Variants in ACO2 observed in about 807,000 individuals in gnomAD.
The protein encoded by ACO2 is aconitase 2, also known as aconitate hydratase, mitochondrial.
In ACO2, 31 loss-of-function variants were observed where a neutral mutation model predicts 84.5. The observed-to-expected ratio is 0.37, with a 90% CI of 0.28 to 0.50. The LOEUF is 0.50. Ranked by LOEUF, ACO2 falls within the 20% of genes least tolerant of loss-of-function variation. The pLI is 0.97. For missense variants in ACO2, 685 were observed against 1,029.3 expected (o/e 0.67, Z 4.58); for synonymous variants, 414 against 412.7 (o/e 1.00, Z -0.04).
At chr22:41,479,085 G>A (rs894026306) in intron 1 of ACO2, among the ~76,000 whole-genome samples, 1 of 152,200 alleles carries the variant, frequency 6.6e-6, no homozygotes, top group African/African-American at 2.4e-5. Context: ...CTGTGGAAGA[G>A]CTTTTAGGGT....
intron 6 of ACO2, 178 bp from the exon 7 acceptor site, chr22:41,517,349 C>A: frequency 1.7e-6 from 1 of 593,630 alleles, no homozygotes; most frequent in Non-Finnish European, 3.1e-6. Context: ...CTCCCCTCAC[C>A]GGCCCAGGTT....
intron 3 of ACO2, among the ~76,000 whole-genome samples, chr22:41,509,894 A>G (rs1279000100): frequency 7.2e-6 from 1 of 138,158 alleles, no homozygotes; most frequent in African/African-American, 2.8e-5. Context: ...ATCTCGGCTC[A>G]CTGCAATCTC....
At chr22:41,477,804 C>T (rs894046893) in intron 1 of ACO2, among the ~76,000 whole-genome samples, 19 of 152,012 alleles carry the variant, frequency 1.2e-4, no homozygotes, top group East Asian at 2.0e-4. Context: ...CAGTGGCTCA[C>T]GCCTGTAATC....
At position 41,475,169 on chromosome 22, in the gene ACO2, CTT is replaced by C. The variant is rs1161178390; in HGVS notation, c.36+6007_36+6008del. On this transcript the variant is annotated intron_variant, in intron 1 of 17. Coordinates refer to ENST00000216254, the MANE Select transcript of ACO2 (RefSeq NM_001098.3). ...ATAAAAAAAAAAAAATTGTTTTTTC[CTT>C]TTTTTTTTTTTTTTTTTTTGAGATA... Among the ~76,000 whole-genome samples, 421 of 120,196 alleles carry C rather than the reference CTT, an allele frequency of 3.5e-3. 2 individuals carry two copies. Among genetic ancestry groups the C allele is most frequent in the Middle Eastern group, 0.023 (5 of 220 alleles). The allele number at this position is 120,196 out of a possible 152,430, so 78.9% of individuals were successfully genotyped here. A position where few individuals can be genotyped will look rare whatever the true frequency, so the allele number is the denominator to read the frequency against.
chr22:41,523,258 C>G lies in ACO2; in HGVS notation c.1350C>G (p.Pro450=). ...GGIVLANACG[P]CIGQWDRKDI... ...TTGTCCTGGCCAATGCTTGTGGCCC[C>G]TGCATTGGCCAGTGGGACAGGTAAG... The change falls in exon 11 of 18, where the codon CCC becomes CCG. Residue 450 remains proline (P), a synonymous_variant. Transcript: ENST00000216254. 1 of 1,612,078 alleles carries G rather than the reference C, an allele frequency of 6.2e-7. No homozygotes were observed.
At chr22:41,528,156 C>T in intron 17 of ACO2, 134 bp downstream of exon 17, 1 of 1,381,768 alleles carries the variant, frequency 7.2e-7, no homozygotes. Flanking sequence ...CTCCAGGTGG[C>T]CCCACAGAGA....
At chr22:41,527,220 G>C (rs536048053) in intron 15 of ACO2, 68 bp from the exon 16 acceptor site, 334 of 1,611,436 alleles carry the variant, frequency 2.1e-4, no homozygotes, top group Non-Finnish European at 2.7e-4. Flanking sequence ...AGGCCAGGCA[G>C]GTAGGGCCAG....
At position 41,528,913 on chromosome 22, in the gene ACO2, T is replaced by G; in HGVS notation, c.*300T>G. On this transcript the variant is annotated 3_prime_UTR_variant, in exon 18 of 18. Coordinates refer to ENST00000216254, the MANE Select transcript of ACO2 (RefSeq NM_001098.3). ...TTTTTCTCCTGCCTGATCATTTCAT[T>G]GGTGGCTGAAGGATTCTAGAGAACC... The G allele has an allele frequency of 1.9e-6, 1 of 518,564 alleles. No individual in the cohort carries two copies. The highest frequency in any genetic ancestry group is 2.6e-5 in the South Asian group (1 of 38,124). 32.1% of individuals were successfully genotyped at this position (518,564 alleles called of 1,614,324 possible).
intron 12 of ACO2, 136 bp from the exon 13 acceptor site, chr22:41,524,710 T>C: frequency 7.2e-7 from 1 of 1,393,392 alleles, no homozygotes; most frequent in Non-Finnish European, 9.9e-7. Context: ...CTCTGGCCTC[T>C]GAGGAACACA....
intron 8 of ACO2, among the ~76,000 whole-genome samples, chr22:41,519,467 G>A: frequency 6.6e-6 from 1 of 152,138 alleles, no homozygotes; most frequent in East Asian, 1.9e-4. Context: ...ATTTACTGAT[G>A]ATTATGATAT....
intron 2 of ACO2, among the ~76,000 whole-genome samples, chr22:41,505,249 A>AAAAT (rs943483720): frequency 6.6e-6 from 1 of 152,014 alleles, no homozygotes; most frequent in Non-Finnish European, 1.5e-5. Flanking sequence ...CTACAAAAAT[A>AAAAT]AAATAAATAA....
rs1052545492 is a variant in ACO2 at position 41,512,056 on chromosome 22, G to T, written c.525+88G>T. The T allele has an allele frequency of 1.9e-5, 18 of 939,656 alleles. No homozygotes were observed. The African/African-American group carries it at 3.0e-4, about 15-fold the overall frequency. The allele number at this position is 939,656 out of a possible 1,614,324, so 58.2% of individuals were successfully genotyped here. A position where few individuals can be genotyped will look rare whatever the true frequency, so the allele number is the denominator to read the frequency against. ...TGGGGGGAGGGGGTTTGAGGCCCAG[G>T]GGGGCTGAGGGGAACTGGATGACAT... On this transcript the variant is annotated intron_variant, in intron 4 of 17. Transcript: ENST00000216254.
At chr22:41,479,715 T>C (rs2146083133) in intron 1 of ACO2, among the ~76,000 whole-genome samples, 1 of 152,322 alleles carries the variant, frequency 6.6e-6, no homozygotes, top group Non-Finnish European at 1.5e-5. Flanking sequence ...ATTCCTTGAC[T>C]GAGCTTCAGC....
At chr22:41,507,659 G>A (rs1193203736) in intron 2 of ACO2, 132 bp from the exon 3 acceptor site, 7 of 1,290,306 alleles carry the variant, frequency 5.4e-6, no homozygotes, top group Admixed American at 2.5e-5. Context: ...CAAGTGGAAC[G>A]TTGAGGTCCT....
intron 17 of ACO2, 60 bp from the exon 18 acceptor site, chr22:41,528,419 T>G: frequency 3.8e-6 from 6 of 1,586,982 alleles, no homozygotes; most frequent in Non-Finnish European, 5.1e-6. Context: ...CTGACCCCCC[T>G]GCGGGGCCAA....
rs1057521364 is a variant in ACO2, at chr22:41,520,162, T to G, written c.1033-9T>G. 1.9e-5 allele frequency: 31 copies of G among 1,609,094 alleles called. No homozygotes were observed. The Admixed American group carries it at 4.3e-4, about 23-fold the overall frequency. On this transcript the variant is annotated splice_polypyrimidine_tract_variant and intron_variant, in intron 8 of 17. Transcript: ENST00000216254. ...TCTCTTTCTTCTCCTTGCATGTTTG[T>G]TTCTTCAGCTGAAGCCACACATCAA...
At chr22:41,480,593 C>A (rs58744979) in intron 1 of ACO2, among the ~76,000 whole-genome samples, 3,590 of 152,226 alleles carry the variant, frequency 0.024, 117 homozygotes, top group African/African-American at 0.081. Flanking sequence ...TTCTCCCAGG[C>A]GAACTGAGTA....
chr22:41,523,147 C>G, intron 10 of ACO2, 58 bp from the exon 11 acceptor site: 2 of 1,553,596 alleles, frequency 1.3e-6, no homozygotes, highest in Middle Eastern at 1.7e-4. Context: ...ACCACATCAC[C>G]CCTTCCCATC....
chr22:41,525,204 A>G lies in ACO2; in HGVS notation c.1617A>G (p.Pro539=), dbSNP rs554206446. Residue 539 remains proline (P), a synonymous_variant, in exon 14 of 18, where the codon CCA becomes CCG. Coordinates refer to ENST00000216254, the MANE Select transcript of ACO2 (RefSeq NM_001098.3). Reference sequence around the variant, plus strand: ...ATTCCCTGCTGCAGGAGTTTGACCCAGGGCAGGACACCTACCAGCACCCAC... The same window carrying G: ...ATTCCCTGCTGCAGGAGTTTGACCCGGGGCAGGACACCTACCAGCACCCAC... ...ADELPKGEFD[P]GQDTYQHPPK... is the part of the protein sequence containing the mutation. 150 of 1,613,982 alleles carry G rather than the reference A, an allele frequency of 9.3e-5. No homozygotes were observed. In the South Asian group the frequency reaches 1.6e-3, roughly 17 times the overall value.
Sources: gnomAD v4.1 joint callset for allele counts (sites outside exome capture counted in the v4.1 genomes callset) on GRCh38, gnomAD v4.1.1 for gene constraint, MANE v1.5 for transcripts, NCBI Gene and HGNC (gene_info 2026-07-23, HGNC 2026-07-21) for gene names.